Variants in NAXD observed in about 807,000 individuals in gnomAD.
NAXD encodes NAD(P)HX dehydratase.
NAXD carries 22 observed loss-of-function variants against 35.8 expected under a neutral mutation model. The observed-to-expected ratio is 0.62, with a 90% CI of 0.44 to 0.88. The LOEUF is 0.88. NAXD is among the 40% of genes least tolerant of loss of function. The pLI is 0.00. For synonymous variants in NAXD, 189 were observed against 177.6 expected (o/e 1.06, Z -0.51); for missense variants, 428 against 437.7 (o/e 0.98, Z 0.20).
At chr13:110,630,563 C>T (rs1886662315) in intron 5 of NAXD, among the ~76,000 whole-genome samples, 1 of 152,058 alleles carries the variant, frequency 6.6e-6, no homozygotes, top group Non-Finnish European at 1.5e-5. Flanking sequence ...GCTGTTTTTT[C>T]TTTTGTCCCT....
rs374886391 is a variant in NAXD, at chr13:110,637,220, G to A, written c.810G>A (p.Ala270=). The A allele has an allele frequency of 2.0e-5, 32 of 1,613,862 alleles. No homozygotes were observed. The highest frequency in any genetic ancestry group is 1.6e-4 in the African/African-American group (12 of 74,938). Residue 270 remains alanine, a synonymous_variant, in exon 9 of 10, where the codon GCG becomes GCA. Coordinates refer to ENST00000680254, the MANE Select transcript of NAXD (RefSeq NM_001242882.2). ...SGSLGVLVHW[A]LLAGPQKTNG... The stretch of plus-strand genomic sequence containing the variant: ...CCCTGGGCGTCCTGGTACACTGGGC[G>A]CTCCTTGCTGGACCACAGAAAACAA...
At chr13:110,619,320 A>G (rs1360976899) in intron 1 of NAXD, among the ~76,000 whole-genome samples, 3 of 152,194 alleles carry the variant, frequency 2.0e-5, no homozygotes, top group Non-Finnish European at 4.4e-5. Flanking sequence ...ATATTGGGAG[A>G]AAGAAGCCTC....
chr13:110,634,912 A>G, intron 7 of NAXD, 136 bp downstream of exon 7: 1 of 682,426 alleles, frequency 1.5e-6, no homozygotes, highest in Non-Finnish European at 2.6e-6. Context: ...CTCCCAGCGG[A>G]TGGCGCGTCT....
At position 110,638,696 on chromosome 13, in the gene NAXD, T is replaced by G. The variant is rs550802339; in HGVS notation, c.*168T>G. The G allele has an allele frequency of 3.2e-4, 257 of 814,074 alleles. 3 individuals are homozygous for G. Among genetic ancestry groups the G allele is most frequent in the South Asian group, 3.0e-3 (207 of 69,402 alleles). The allele number at this position is 814,074 out of a possible 1,614,324, so 50.4% of individuals were successfully genotyped here. ...ATTTAAGAATCTGGAATATTGCAGC[T>G]TTTGGTTAAACTTAATGCATGGTTG... On this transcript the variant is annotated 3_prime_UTR_variant, in exon 10 of 10. Transcript: ENST00000680254. The surrounding 1 kb of genome is among the most constrained non-coding windows in gnomAD (Gnocchi z 5.4).
At chr13:110,618,625 T>G (rs1886146382) in intron 1 of NAXD, among the ~76,000 whole-genome samples, 1 of 152,206 alleles carries the variant, frequency 6.6e-6, no homozygotes, top group Non-Finnish European at 1.5e-5. Context: ...AAAATCCGCC[T>G]TAGAAAGTGG....
At position 110,637,256 on chromosome 13, in the gene NAXD, C is replaced by A; in HGVS notation, c.839+7C>A. On this transcript the variant is annotated splice_region_variant and intron_variant, in intron 9 of 9. Coordinates refer to ENST00000680254, the MANE Select transcript of NAXD (RefSeq NM_001242882.2). ...GACCACAGAAAACAAATGGGTAAGG[C>A]CACGTCTTCATTTATTCTACTTTGA... 6.2e-7 allele frequency: 1 copy of A among 1,613,888 alleles called. No homozygotes were observed. The highest frequency in any genetic ancestry group is 8.5e-7 in the Non-Finnish European group (1 of 1,179,924).
At chr13:110,617,303 G>A (rs549414237) in intron 1 of NAXD, among the ~76,000 whole-genome samples, 4 of 152,244 alleles carry the variant, frequency 2.6e-5, no homozygotes, top group East Asian at 1.9e-4. Context: ...CCCCAGACAC[G>A]CTTCCTTAAA....
At position 110,615,590 on chromosome 13, in the gene NAXD, G is replaced by A. The variant is rs1241812579; in HGVS notation, c.-12G>A. ...CGGCGCGGGGGCAGCTGGGAATCCG[G>A]AATGCTGCCCGATGGCCCTGGGTCC... On this transcript the variant is annotated 5_prime_UTR_variant, in exon 1 of 10. Coordinates refer to ENST00000680254, the MANE Select transcript of NAXD (RefSeq NM_001242882.2). 1.5e-6 allele frequency: 2 copies of A among 1,377,104 alleles called. No homozygotes were observed. The highest frequency in any genetic ancestry group is 1.9e-4 in the Middle Eastern group (1 of 5,398). 85.3% of individuals were successfully genotyped at this position (1,377,104 alleles called of 1,614,324 possible).
In NAXD at chr13:110,634,743, C is replaced by T. The variant is rs1886855696; in HGVS notation, c.564C>T (p.Asn188=). The T allele has an allele frequency of 1.9e-6, 3 of 1,613,924 alleles. No homozygotes were observed. The South Asian group carries it at 3.3e-5, about 18-fold the overall frequency. ...HGYRKAVLTP[N]HVEFSRLYDA... is the part of the protein sequence containing the mutation. ...ACCGGAAGGCTGTGCTCACTCCCAA[C>T]CACGTGGAGTTCAGCAGACTGTATG... The change falls in exon 7 of 10, where the codon AAC becomes AAT. Residue 188 remains asparagine, a synonymous_variant. Transcript: ENST00000680254.
At chr13:110,626,136 T>G (rs1886472239) in intron 4 of NAXD, among the ~76,000 whole-genome samples, 1 of 151,694 alleles carries the variant, frequency 6.6e-6, no homozygotes. Flanking sequence ...GCTCTGGCCC[T>G]GAGTAAGCAG....
At chr13:110,633,626 GTATTAT>G (rs1886806120) in intron 5 of NAXD, among the ~76,000 whole-genome samples, 5 of 152,176 alleles carry the variant, frequency 3.3e-5, no homozygotes, top group Admixed American at 6.5e-5. Flanking sequence ...TTAATGTTTT[GTATTAT>G]CAGGTGTCTG....
chr13:110,638,092 G>T lies in NAXD; in HGVS notation c.840-286G>T. On this transcript the variant is annotated intron_variant, in intron 9 of 9. Coordinates refer to ENST00000680254, the MANE Select transcript of NAXD (RefSeq NM_001242882.2). The surrounding 1 kb of genome is among the most constrained non-coding windows in gnomAD (Gnocchi z 5.4). ...CAAACAGGGCTAAGCAGCTTGTGCC[G>T]CCTGGCTTTCCCCGGGAACACCTGG... is the stretch of plus-strand genomic sequence containing the variant. 2.6e-6 allele frequency: 2 copies of T among 781,314 alleles called. No homozygotes were observed. The highest frequency in any genetic ancestry group is 3.4e-5 in the South Asian group (2 of 58,588). 48.4% of individuals were successfully genotyped at this position (781,314 alleles called of 1,614,324 possible).
At position 110,627,563 on chromosome 13, in the gene NAXD, A is replaced by G; in HGVS notation, c.441+16A>G. On this transcript the variant is annotated intron_variant, in intron 5 of 9. Coordinates refer to ENST00000680254, the MANE Select transcript of NAXD (RefSeq NM_001242882.2). ...AAATGTCCAGGTAATGTGTATACTC[A>G]CTCACTTCCCTCATGACAGGCTTAG... 1.3e-6 allele frequency: 2 copies of G among 1,547,708 alleles called. No homozygotes were observed. Among genetic ancestry groups the G allele is most frequent in the Non-Finnish European group, 1.8e-6 (2 of 1,120,128 alleles).
At chr13:110,627,956 G>A (rs1886558043) in intron 5 of NAXD, among the ~76,000 whole-genome samples, 1 of 152,202 alleles carries the variant, frequency 6.6e-6, no homozygotes, top group Non-Finnish European at 1.5e-5. Context: ...ACACAGCCCT[G>A]GCGCCATGCT....
intron 9 of NAXD, among the ~76,000 whole-genome samples, chr13:110,637,457 G>C (rs978809148): frequency 3.3e-5 from 5 of 152,162 alleles, no homozygotes; most frequent in African/African-American, 1.2e-4. Flanking sequence ...ACTGTGGATG[G>C]GGCCTGGGGC....
At chr13:110,632,594 C>A in intron 5 of NAXD, among the ~76,000 whole-genome samples, 1 of 151,748 alleles carries the variant, frequency 6.6e-6, no homozygotes, top group South Asian at 2.1e-4. Context: ...TACAGAGTTT[C>A]GACACACAGG....
In NAXD at chr13:110,628,312, A is replaced by G. The variant is rs1886572875; in HGVS notation, c.441+765A>G. ...GACCCCTGTTAGAGCTCCTGGGGGA[A>G]GACACAGTGTGCCAGATGGCTTGGT... On this transcript the variant is annotated intron_variant, in intron 5 of 9. Coordinates refer to ENST00000680254, the MANE Select transcript of NAXD (RefSeq NM_001242882.2). The surrounding 1 kb of genome is among the most constrained non-coding windows in gnomAD (Gnocchi z 4.1). Among the ~76,000 whole-genome samples, 2 of 152,176 alleles carry G rather than the reference A, an allele frequency of 1.3e-5. No individual in the cohort carries two copies. The highest frequency in any genetic ancestry group is 2.9e-5 in the Non-Finnish European group (2 of 68,038).
chr13:110,622,280 G>C lies in NAXD; in HGVS notation c.111G>C (p.Gln37His). 1 of 1,614,122 alleles carries C rather than the reference G, an allele frequency of 6.2e-7. No homozygotes were observed. The highest frequency in any genetic ancestry group is 8.5e-7 in the Non-Finnish European group (1 of 1,179,994). The change falls in exon 2 of 10, where the codon CAG becomes CAC. Residue 37 changes from glutamine (Q) to histidine (H), a missense_variant. Around this residue, in one of 3 missense-constraint regions of NAXD, gnomAD observed 208 missense variants for 193.0 expected, o/e 1.08. Transcript: ENST00000680254. ...HSIKDMENTLQLVRNIIPPLS... is the reference protein window; with the variant it reads ...HSIKDMENTLHLVRNIIPPLS... ...TAAAGGATATGGAAAATACTTTGCA[G>C]CTGGTGAGAAATATCATACCTCCTC... is the stretch of plus-strand genomic sequence containing the variant.
At chr13:110,620,583 A>C (rs932451520) in intron 1 of NAXD, among the ~76,000 whole-genome samples, 2 of 151,750 alleles carry the variant, frequency 1.3e-5, no homozygotes, top group Non-Finnish European at 2.9e-5. Flanking sequence ...TGTCTCAAAA[A>C]AAAAAAAAAA....
Sources: gnomAD v4.1 joint callset for allele counts (sites outside exome capture counted in the v4.1 genomes callset) on GRCh38, gnomAD v4.1.1 for gene constraint, gnomAD v4.1.1 regional missense constraint, Gnocchi (gnomAD v3.1) non-coding constraint, MANE v1.5 for transcripts, NCBI Gene and HGNC (gene_info 2026-07-23, HGNC 2026-07-21) for gene names.